Variants in FUNDC1 observed in about 807,000 individuals in gnomAD.
The protein encoded by FUNDC1 is FUN14 domain-containing protein 1.
In FUNDC1, 10 loss-of-function variants were observed where a neutral mutation model predicts 14.5. The ratio of observed to expected loss-of-function variants is 0.69; its 90% CI spans 0.43 to 1.17. FUNDC1 has a LOEUF of 1.17. Among genes scored for constraint, FUNDC1 ranks in the 50% most tolerant of loss-of-function variants. FUNDC1 has a pLI of 0.00. For synonymous variants in FUNDC1, 33 were observed against 39.7 expected (o/e 0.83, Z 0.64); for missense variants, 115 against 113.8 (o/e 1.01, Z -0.05).
Position 44,531,327 on chromosome X carries a change from C to G in FUNDC1, c.262-3962G>C, listed in dbSNP as rs1241755317. 7.7e-3 allele frequency among the ~76,000 whole-genome samples: 502 copies of G among 65,000 alleles called. 5 individuals are homozygous for G. The highest frequency in any genetic ancestry group is 0.014 in the East Asian group (27 of 1,925). The allele number at this position is 65,000 out of a possible 115,157, so 56.4% of individuals were successfully genotyped here. A position where few individuals can be genotyped will look rare whatever the true frequency, so the allele number is the denominator to read the frequency against. ...TTCATGTTGGCCAGACACACACACA[C>G]ACACACACACACACACACACACACA... On this transcript the variant is annotated intron_variant, in intron 3 of 4. Transcript: ENST00000378045.
At chrX:44,529,191 C>A (rs771183802) in intron 3 of FUNDC1, among the ~76,000 whole-genome samples, 1 of 111,074 alleles carries the variant, frequency 9.0e-6, no homozygotes, top group Admixed American at 9.7e-5. Context: ...TATCCACCCC[C>A]CAATCCCCAG....
chrX:44,541,359 A>G (rs1029919722), intron 2 of FUNDC1, among the ~76,000 whole-genome samples: 3 of 111,935 alleles, frequency 2.7e-5, no homozygotes, highest in Non-Finnish European at 3.8e-5. Context: ...CTACTTCTTA[A>G]TGGACTCCAC....
intron 3 of FUNDC1, among the ~76,000 whole-genome samples, chrX:44,528,679 T>G (rs1275525539): frequency 8.9e-6 from 1 of 112,991 alleles, no homozygotes; most frequent in Non-Finnish European, 1.9e-5. Context: ...GCTTTATTTT[T>G]TGGTTAGAAC....
At chrX:44,531,598 C>A (rs185172580) in intron 3 of FUNDC1, among the ~76,000 whole-genome samples, 1 of 110,095 alleles carries the variant, frequency 9.1e-6, no homozygotes, top group African/African-American at 3.3e-5. Context: ...TTTCCATCAA[C>A]TTTTAGTGCT....
chrX:44,541,021 G>C (rs2038969505), intron 2 of FUNDC1, among the ~76,000 whole-genome samples: 1 of 112,175 alleles, frequency 8.9e-6, no homozygotes, highest in Non-Finnish European at 1.9e-5. Flanking sequence ...GCATAGAAGA[G>C]TGGGTCATTA....
rs1569187071 is a variant in FUNDC1 at position 44,531,295 on chromosome X, AT to A, written c.262-3931del. Among the ~76,000 whole-genome samples, 121 of 41,152 alleles carry A rather than the reference AT, an allele frequency of 2.9e-3. 11 individuals are homozygous for A. Among genetic ancestry groups the A allele is most frequent in the East Asian group, 3.7e-3 (5 of 1,352 alleles). The allele number at this position is 41,152 out of a possible 115,157, so 35.7% of individuals were successfully genotyped here. ...ACACACACACACACACGGCTTTCAGATGAAGATTCATGTTGGCCAGACACAC... is the reference window on the plus strand; with the variant it reads ...ACACACACACACACACGGCTTTCAGAGAAGATTCATGTTGGCCAGACACAC... On this transcript the variant is annotated intron_variant, in intron 3 of 4. Coordinates refer to ENST00000378045, the MANE Select transcript of FUNDC1 (RefSeq NM_173794.4).
intron 4 of FUNDC1, 23 bp downstream of exon 4, chrX:44,527,212 AAG>A: frequency 8.8e-7 from 1 of 1,131,943 alleles, no homozygotes; most frequent in East Asian, 3.1e-5. Flanking sequence ...AAAAAAAAAA[AAG>A]TCAAAATTAT....
chrX:44,531,295 ATGAAGATTCATGTTGGC>A (rs2038923351), intron 3 of FUNDC1, among the ~76,000 whole-genome samples: 2 of 41,166 alleles, frequency 4.9e-5, no homozygotes, highest in African/African-American at 3.0e-4. Context: ...CGGCTTTCAG[ATGAAGATTCATGTTGGC>A]CAGACACACA....
At chrX:44,535,273 C>A (rs1477238130) in intron 3 of FUNDC1, among the ~76,000 whole-genome samples, 1 of 111,373 alleles carries the variant, frequency 9.0e-6, no homozygotes, top group Non-Finnish European at 1.9e-5. Flanking sequence ...GCAAACAGGA[C>A]AGATGACTCT....
At chrX:44,536,626 T>C (rs569369930) in intron 3 of FUNDC1, among the ~76,000 whole-genome samples, 18 of 111,759 alleles carry the variant, frequency 1.6e-4, no homozygotes, top group African/African-American at 5.8e-4. Flanking sequence ...AAGCCAATAG[T>C]TCACACCTAA....
At chrX:44,533,655 AAAC>A (rs1489534174) in intron 3 of FUNDC1, among the ~76,000 whole-genome samples, 1 of 107,295 alleles carries the variant, frequency 9.3e-6, no homozygotes, top group African/African-American at 3.4e-5. Context: ...AAAAACAACA[AAAC>A]AACAACAACA....
At chrX:44,525,004 C>G (rs1465605415) in intron 4 of FUNDC1, among the ~76,000 whole-genome samples, 1 of 110,976 alleles carries the variant, frequency 9.0e-6, no homozygotes, top group Admixed American at 9.7e-5. Context: ...AGGATCAAAA[C>G]CAAAACAAAT....
intron 3 of FUNDC1, among the ~76,000 whole-genome samples, chrX:44,536,831 C>T (rs1040978658): frequency 9.0e-6 from 1 of 111,607 alleles, no homozygotes; most frequent in African/African-American, 3.3e-5. Context: ...GGATGTATAA[C>T]TCCAAAAAAT....
At chrX:44,534,858 T>C (rs775820044) in intron 3 of FUNDC1, among the ~76,000 whole-genome samples, 3 of 111,823 alleles carry the variant, frequency 2.7e-5, no homozygotes, top group Non-Finnish European at 5.6e-5. Context: ...CATCAAGACA[T>C]AGGATAGGCC....
At chrX:44,538,635 G>A (rs766720521) in intron 2 of FUNDC1, 93 bp from the exon 3 acceptor site, 4 of 688,218 alleles carry the variant, frequency 5.8e-6, no homozygotes, top group South Asian at 2.7e-5. Context: ...AAAATCTTAT[G>A]TCTTTGCATT....
intron 3 of FUNDC1, among the ~76,000 whole-genome samples, chrX:44,537,599 C>T (rs2038953920): frequency 8.9e-6 from 1 of 111,852 alleles, no homozygotes; most frequent in Non-Finnish European, 1.9e-5. Flanking sequence ...AAAATCTGTG[C>T]TTCATACATA....
rs775794566 is a variant in FUNDC1 at position 44,542,161 on chromosome X, T to C, written c.29-60A>G. The C allele has an allele frequency of 6.1e-5, 55 of 903,072 alleles. No individual in the cohort carries two copies. In the East Asian group the frequency reaches 1.5e-3, roughly 24 times the overall value. The allele number at this position is 903,072 out of a possible 1,213,427, so 74.4% of individuals were successfully genotyped here. On this transcript the variant is annotated intron_variant, in intron 1 of 4. Coordinates refer to ENST00000378045, the MANE Select transcript of FUNDC1 (RefSeq NM_173794.4). ...AGTCAATCAAAAGTCAGAAATGTTC[T>C]ATACATCTTTTTAAAAATCTGTTAC... is the stretch of plus-strand genomic sequence containing the variant.
At chrX:44,533,978 T>C (rs1323390433) in intron 3 of FUNDC1, among the ~76,000 whole-genome samples, 6 of 107,030 alleles carry the variant, frequency 5.6e-5, no homozygotes, top group Non-Finnish European at 1.2e-4. Flanking sequence ...CGTGAAGAAA[T>C]CACCTGAGCC....
chrX:44,538,345 G>A (rs1314253019), intron 3 of FUNDC1, 122 bp downstream of exon 3: 1 of 515,098 alleles, frequency 1.9e-6, no homozygotes, highest in Admixed American at 3.4e-5. Context: ...TATTTAAATT[G>A]TTATCTTTCA....
Sources: gnomAD v4.1 joint callset for allele counts (sites outside exome capture counted in the v4.1 genomes callset) on GRCh38, gnomAD v4.1.1 for gene constraint, MANE v1.5 for transcripts, NCBI Gene and HGNC (gene_info 2026-07-23, HGNC 2026-07-21) for gene names.